PC: variants seen among roughly 807,000 people sequenced by gnomAD.
PC encodes the protein pyruvate carboxylase, mitochondrial.
PC carries 46 observed loss-of-function variants against 107.8 expected under a neutral mutation model. That is an observed-to-expected ratio of 0.43 (90% CI 0.34 to 0.55). PC has a LOEUF of 0.55. Among genes scored for constraint, PC ranks in the 20% least tolerant of loss-of-function variants. PC has a pLI of 0.04. For synonymous variants in PC, 662 were observed against 684.7 expected (o/e 0.97, Z 0.52); for missense variants, 1,241 against 1,643.1 (o/e 0.76, Z 4.23).
At chr11:66,914,224 C>CT (rs1308236732) in intron 3 of PC, among the ~76,000 whole-genome samples, 1 of 152,152 alleles carries the variant, frequency 6.6e-6, no homozygotes, top group Non-Finnish European at 1.5e-5. Flanking sequence ...AAAAGAAAGG[C>CT]TTTGCAGCTG....
chr11:66,897,409 A>G (rs975096869), intron 3 of PC, among the ~76,000 whole-genome samples: 1 of 152,136 alleles, frequency 6.6e-6, no homozygotes, highest in Non-Finnish European at 1.5e-5. Context: ...CGTTTCTACT[A>G]AAAATATAAT....
chr11:66,881,868 C>T (rs1947199602), intron 3 of PC, among the ~76,000 whole-genome samples: 1 of 152,242 alleles, frequency 6.6e-6, no homozygotes, highest in Admixed American at 6.5e-5. Flanking sequence ...TCGGACCCAT[C>T]AGAGTTGGCC....
At chr11:66,885,038 G>T (rs182418849) in intron 3 of PC, among the ~76,000 whole-genome samples, 164 of 152,304 alleles carry the variant, frequency 1.1e-3, no homozygotes, top group African/African-American at 3.7e-3. Context: ...GGACATGAAT[G>T]CTGGCTGGAT....
intron 1 of PC, among the ~76,000 whole-genome samples, 171 bp downstream of exon 1, chr11:66,958,151 G>C (rs1315055472): frequency 1.3e-5 from 2 of 151,734 alleles, no homozygotes; most frequent in Non-Finnish European, 2.9e-5. Context: ...GCGTCGCGTC[G>C]CGCACCGCGC....
At chr11:66,947,962 CAA>C (rs780211853) in intron 3 of PC, among the ~76,000 whole-genome samples, 3 of 59,562 alleles carry the variant, frequency 5.0e-5, no homozygotes. Flanking sequence ...GATTCCGTCT[CAA>C]AAAAAAAAAA....
At chr11:66,938,078 T>C (rs1422973730) in intron 3 of PC, among the ~76,000 whole-genome samples, 1 of 152,192 alleles carries the variant, frequency 6.6e-6, no homozygotes, top group African/African-American at 2.4e-5. Context: ...CTTAAGTTCT[T>C]TAGACAAATT....
rs118120949 is a variant in PC, at chr11:66,864,332, G to A, written c.1186-376C>T. 5.6e-4 allele frequency among the ~76,000 whole-genome samples: 85 copies of A among 152,346 alleles called. No individual in the cohort carries two copies. The East Asian group carries it at 0.014, about 26-fold the overall frequency. ...CCTCTAGCCTTTCAGACTCATCCAC[G>A]TTCGTTCCACAGCACGGATTGAGGT... On this transcript the variant is annotated intron_variant, in intron 11 of 22. Transcript: ENST00000393960.
intron 3 of PC, among the ~76,000 whole-genome samples, chr11:66,946,120 C>G (rs902431393): frequency 2.0e-5 from 3 of 146,948 alleles, no homozygotes; most frequent in African/African-American, 7.5e-5. Context: ...AAAAAGAAAT[C>G]TGTGTGTTGT....
rs575841446 is a variant in PC at position 66,859,569 on chromosome 11, G to A, written c.1368+4205C>T. The stretch of plus-strand genomic sequence containing the variant: ...GAGGGGTGTTTGGAGCTGGGAGCAC[G>A]GGAGTGGGGAGGTGAGGATGGGGCT... On this transcript the variant is annotated intron_variant, in intron 12 of 22. Coordinates refer to ENST00000393960, the MANE Select transcript of PC (RefSeq NM_001040716.2). 286 of 1,595,346 alleles carry A rather than the reference G, an allele frequency of 1.8e-4. No individual in the cohort carries two copies. The African/African-American group carries it at 2.6e-3, about 15-fold the overall frequency.
rs1259018561 is a variant in PC, at chr11:66,870,346, G to A, written c.859C>T (p.Leu287Phe). Residue 287 changes from leucine (L) to phenylalanine (F), a missense_variant, in exon 9 of 23, where the codon CTT (leucine) becomes TTT (phenylalanine). Leu to Phe is a conservative substitution (Grantham distance 22). Around this residue, in one of 2 missense-constraint regions of PC, gnomAD observed 1,143 missense variants for 1,551.9 expected, o/e 0.74. Transcript: ENST00000393960. This position sits in a 1 kb window ranked among gnomAD's most constrained non-coding sequence, Gnocchi z 6.1. ...GAGTCGCTGGTGAGCCGAGTCCGAA[G>A]CTGCGGGTCCAGGTGGGCGGCGGGG... The part of the protein sequence containing the change: ...IAPAAHLDPQ[L>F]RTRLTSDSVK... The A allele has an allele frequency of 6.2e-7, 1 of 1,613,682 alleles. No individual in the cohort carries two copies. Among genetic ancestry groups the A allele is most frequent in the Non-Finnish European group, 8.5e-7 (1 of 1,180,012 alleles).
Position 66,849,428 on chromosome 11 carries a change from G to T in PC, c.3148-58C>A, listed in dbSNP as rs1017530164. 9.9e-6 allele frequency: 16 copies of T among 1,608,900 alleles called. No homozygotes were observed. In the African/African-American group the frequency reaches 1.7e-4, roughly 17 times the overall value. On this transcript the variant is annotated intron_variant, in intron 21 of 22. Transcript: ENST00000393960. ...CGCCAAGGTGGGAGAGCAGTCCCCC[G>T]GCCCTGGCCATAGGAAGTCCCCACA... is the stretch of plus-strand genomic sequence containing the variant.
At chr11:66,856,355 CGCGGGGCGG>C (rs1485102016) in intron 12 of PC, among the ~76,000 whole-genome samples, 1 of 144,966 alleles carries the variant, frequency 6.9e-6, no homozygotes, top group Non-Finnish European at 1.5e-5. Context: ...ACGCCTGGCC[CGCGGGGCGG>C]GCGGGGCAGC....
At chr11:66,929,227 T>C (rs1199661103) in intron 3 of PC, among the ~76,000 whole-genome samples, 1 of 152,144 alleles carries the variant, frequency 6.6e-6, no homozygotes, top group East Asian at 1.9e-4. Context: ...ACTAAAATTC[T>C]GGGGGAGTGG....
At chr11:66,947,875 A>G (rs1178260391) in intron 3 of PC, among the ~76,000 whole-genome samples, 2 of 149,732 alleles carry the variant, frequency 1.3e-5, no homozygotes, top group Non-Finnish European at 3.0e-5. Context: ...AGGCAGAAGA[A>G]TCGCTTGAAC....
Position 66,850,482 on chromosome 11 carries a change from T to G in PC, c.2474-18A>C. On this transcript the variant is annotated intron_variant, in intron 18 of 22. Transcript: ENST00000393960. ...GGGCACCTCTGCAGGGAGGCCAGAG[T>G]CAGAGGAGGCCTTAGAAATGTGTGA... The G allele has an allele frequency of 6.2e-7, 1 of 1,613,472 alleles. No individual in the cohort carries two copies. The highest frequency in any genetic ancestry group is 1.7e-5 in the Admixed American group (1 of 60,008).
chr11:66,864,798 G>A (rs984045967), intron 11 of PC, among the ~76,000 whole-genome samples: 1 of 152,218 alleles, frequency 6.6e-6, no homozygotes, highest in African/African-American at 2.4e-5. Context: ...TGTTCGTGCC[G>A]CCCGAGTGAG....
chr11:66,926,568 T>C (rs76626895), intron 3 of PC, among the ~76,000 whole-genome samples: 5,877 of 152,264 alleles, frequency 0.039, 382 homozygotes, highest in African/African-American at 0.13. Context: ...TTGTTTAATA[T>C]ATAGGCCTAA....
chr11:66,866,539 C>T lies in PC; in HGVS notation c.1023-190G>A, dbSNP rs1946504542. Among the ~76,000 whole-genome samples, 1 of 152,176 alleles carries T rather than the reference C, an allele frequency of 6.6e-6. No individual in the cohort carries two copies. Among genetic ancestry groups the T allele is most frequent in the Non-Finnish European group, 1.5e-5 (1 of 68,008 alleles). On this transcript the variant is annotated intron_variant, in intron 10 of 22. Coordinates refer to ENST00000393960, the MANE Select transcript of PC (RefSeq NM_001040716.2). This position sits in a 1 kb window ranked among gnomAD's most constrained non-coding sequence, Gnocchi z 5.4. The stretch of plus-strand genomic sequence containing the variant: ...TCCACCAGCCCCTGCCCTGCTCCCG[C>T]CGGGAGCCGACTAAACTACACAGTG...
intron 3 of PC, among the ~76,000 whole-genome samples, chr11:66,921,672 A>C (rs1047348628): frequency 1.3e-5 from 2 of 152,188 alleles, no homozygotes; most frequent in African/African-American, 4.8e-5. Flanking sequence ...GCCCTGGACA[A>C]GCAGTTCACC....
Sources: allele counts gnomAD v4.1 joint callset (sites outside exome capture counted in the v4.1 genomes callset), GRCh38; gene constraint gnomAD v4.1.1; regional missense constraint gnomAD v4.1.1; non-coding constraint Gnocchi (gnomAD v3.1); transcripts MANE v1.5; gene names NCBI Gene and HGNC (gene_info 2026-07-23, HGNC 2026-07-21).